The following CSTF3 variants were observed in gnomAD, a reference collection of about 807,000 sequenced individuals.
CSTF3 encodes the protein CF-1 77 kDa subunit.
In CSTF3, 29 loss-of-function variants were observed where a neutral mutation model predicts 105.8. That is an observed-to-expected ratio of 0.27 (90% CI 0.20 to 0.37). CSTF3 has a LOEUF of 0.37. CSTF3 is among the 10% of genes least tolerant of loss of function. The pLI, the probability that CSTF3 is intolerant of heterozygous loss-of-function variation, is 1.00. For missense variants in CSTF3, 357 were observed against 879.3 expected (o/e 0.41, Z 7.51); for synonymous variants, 252 against 281.9 (o/e 0.89, Z 1.06).
At chr11:33,125,027 T>C (rs1423852965) in intron 3 of CSTF3, among the ~76,000 whole-genome samples, 1 of 152,236 alleles carries the variant, frequency 6.6e-6, no homozygotes, top group Non-Finnish European at 1.5e-5. Context: ...TGGGATTCAA[T>C]GAGCATCTTG....
intron 18 of CSTF3, 98 bp from the exon 19 acceptor site, chr11:33,086,087 T>C: frequency 1.3e-6 from 1 of 772,330 alleles, no homozygotes; most frequent in East Asian, 3.0e-5. Context: ...CCATGTCTGC[T>C]GCTTTGTTCT....
chr11:33,146,120 C>T (rs1259067789), intron 1 of CSTF3, among the ~76,000 whole-genome samples: 1 of 152,008 alleles, frequency 6.6e-6, no homozygotes, highest in East Asian at 1.9e-4. Context: ...CACCTGTAGT[C>T]CCAGCTACTC....
At chr11:33,101,115 C>T (rs999958237) in intron 10 of CSTF3, among the ~76,000 whole-genome samples, 7 of 152,058 alleles carry the variant, frequency 4.6e-5, no homozygotes, top group African/African-American at 7.2e-5. Context: ...TCCCTTCAAA[C>T]GCATGCCCAT....
chr11:33,093,043 C>A (rs1319828439), intron 15 of CSTF3, among the ~76,000 whole-genome samples: 1 of 152,172 alleles, frequency 6.6e-6, no homozygotes, highest in Non-Finnish European at 1.5e-5. Context: ...CTGAACTGTA[C>A]ACCTAATGGA....
chr11:33,158,945 A>C (rs1849901154), intron 1 of CSTF3, among the ~76,000 whole-genome samples: 1 of 152,216 alleles, frequency 6.6e-6, no homozygotes, highest in African/African-American at 2.4e-5. Context: ...CTTAAGAGAC[A>C]GAAGTAAATG....
chr11:33,141,433 C>G, intron 3 of CSTF3: 1 of 1,274,852 alleles, frequency 7.8e-7, no homozygotes, highest in Non-Finnish European at 9.9e-7. Flanking sequence ...CACTCCAATA[C>G]CATTGAAACT....
intron 15 of CSTF3, among the ~76,000 whole-genome samples, chr11:33,093,402 ATCTT>A (rs993212077): frequency 6.6e-6 from 1 of 152,068 alleles, no homozygotes; most frequent in Non-Finnish European, 1.5e-5. Flanking sequence ...TAATGCATTT[ATCTT>A]TCTTTACCTG....
intron 17 of CSTF3, among the ~76,000 whole-genome samples, chr11:33,090,178 A>G (rs1590261299): frequency 6.6e-6 from 1 of 152,210 alleles, no homozygotes; most frequent in East Asian, 1.9e-4. Flanking sequence ...TATCAATTTG[A>G]TAAGAACTAT....
chr11:33,086,547 C>G (rs1489857795), intron 18 of CSTF3, among the ~76,000 whole-genome samples: 2 of 152,014 alleles, frequency 1.3e-5, no homozygotes, highest in South Asian at 4.1e-4. Flanking sequence ...AAGTGATTCT[C>G]CTGCCTCAGC....
At position 33,084,808 on chromosome 11, in the gene CSTF3, T is replaced by C. The variant is rs1252905780; in HGVS notation, c.*279A>G. On this transcript the variant is annotated 3_prime_UTR_variant, in exon 21 of 21. Transcript: ENST00000323959. ...AACTCACAAATCTTCAAGCGGCACA[T>C]ACAAGACACCCTTGAAGAGGGAACA... is the stretch of plus-strand genomic sequence containing the variant. The C allele has an allele frequency of 2.3e-6, 1 of 429,846 alleles. No individual in the cohort carries two copies. Among genetic ancestry groups the C allele is most frequent in the African/African-American group, 2.0e-5 (1 of 50,608 alleles). The allele number at this position is 429,846 out of a possible 1,614,324, so 26.6% of individuals were successfully genotyped here.
intron 3 of CSTF3, among the ~76,000 whole-genome samples, chr11:33,118,570 A>G (rs974341405): frequency 6.6e-5 from 10 of 151,808 alleles, no homozygotes; most frequent in African/African-American, 2.2e-4. Flanking sequence ...TCATGGCTCA[A>G]TTGGTTTTGC....
chr11:33,144,934 G>A (rs763610582), intron 1 of CSTF3: 7 of 198,042 alleles, frequency 3.5e-5, no homozygotes, highest in Middle Eastern at 2.2e-3. Context: ...TGAGATTGCC[G>A]CCACTGCACT....
chr11:33,148,862 T>G (rs868064133), intron 1 of CSTF3, among the ~76,000 whole-genome samples: 9 of 119,800 alleles, frequency 7.5e-5, no homozygotes, highest in East Asian at 4.0e-4. Flanking sequence ...GTTGCTGTGT[T>G]TTTTTTTTTT....
intron 9 of CSTF3, 136 bp from the exon 10 acceptor site, chr11:33,102,475 A>AT (rs1262100722): frequency 1.5e-5 from 11 of 743,060 alleles, no homozygotes; most frequent in Non-Finnish European, 2.4e-5. Flanking sequence ...TAATCTAAAA[A>AT]CTATTTAAGA....
At position 33,099,066 on chromosome 11, in the gene CSTF3, G is replaced by T; in HGVS notation, c.1021C>A (p.Leu341Ile). Reference sequence around the variant, plus strand: ...TAATCTGCATATGCAAAATAAAGAAGCATATTCTTCTTCAATAAAGTGCTT... The same window carrying T: ...TAATCTGCATATGCAAAATAAAGAATCATATTCTTCTTCAATAAAGTGCTT... ...AISTLLKKNM[L>I]LYFAYADYEE... is the part of the protein sequence containing the mutation. Residue 341 changes from leucine (L) to isoleucine (I), a missense_variant, in exon 12 of 21, where the codon CTT (leucine) becomes ATT (isoleucine). Transcript: ENST00000323959. This position sits in a 1 kb window ranked among gnomAD's most constrained non-coding sequence, Gnocchi z 4.1. 2.5e-6 allele frequency: 4 copies of T among 1,575,460 alleles called. No homozygotes were observed. Among genetic ancestry groups the T allele is most frequent in the Non-Finnish European group, 8.5e-7 (1 of 1,171,452 alleles).
At chr11:33,149,668 G>A (rs572912478) in intron 1 of CSTF3, among the ~76,000 whole-genome samples, 1 of 152,176 alleles carries the variant, frequency 6.6e-6, no homozygotes, top group East Asian at 1.9e-4. Context: ...CAGATCACTC[G>A]AGGTCAGGAG....
At chr11:33,127,205 T>G (rs1414686663) in intron 3 of CSTF3, among the ~76,000 whole-genome samples, 1 of 152,222 alleles carries the variant, frequency 6.6e-6, no homozygotes, top group African/African-American at 2.4e-5. Context: ...CACAAATTTT[T>G]ATACTTGTGG....
chr11:33,147,336 C>A (rs1330310407), intron 1 of CSTF3, among the ~76,000 whole-genome samples: 2 of 151,942 alleles, frequency 1.3e-5, no homozygotes, highest in Non-Finnish European at 2.9e-5. Flanking sequence ...GTGGCTCACA[C>A]CTGTAATCCC....
At chr11:33,160,214 G>A (rs1297000988) in intron 1 of CSTF3, among the ~76,000 whole-genome samples, 1 of 152,032 alleles carries the variant, frequency 6.6e-6, no homozygotes, top group Admixed American at 6.6e-5. Context: ...TTTCTGGACT[G>A]AAACCAGTCC....
Sources: gnomAD v4.1 joint callset for allele counts (sites outside exome capture counted in the v4.1 genomes callset) on GRCh38, gnomAD v4.1.1 for gene constraint, Gnocchi (gnomAD v3.1) non-coding constraint, MANE v1.5 for transcripts, NCBI Gene and HGNC (gene_info 2026-07-23, HGNC 2026-07-21) for gene names.